MAP4K3: variants seen among roughly 807,000 people sequenced by gnomAD.
The protein encoded by MAP4K3 is mitogen-activated protein kinase kinase kinase kinase 3, also known as MAPK/ERK kinase kinase kinase 3.
MAP4K3 carries 94 observed loss-of-function variants against 143.5 expected under a neutral mutation model. The observed-to-expected ratio is 0.65, with a 90% CI of 0.55 to 0.78. MAP4K3 has a LOEUF of 0.78. Ranked by LOEUF, MAP4K3 falls within the 30% of genes least tolerant of loss-of-function variation. The probability of loss-of-function intolerance (pLI) is 0.00; values close to 1 mark genes in which losing one functional copy is unlikely to be tolerated. For missense variants in MAP4K3, 1,077 were observed against 1,068.1 expected, an observed-to-expected ratio of 1.01 and a Z score of -0.12; for synonymous variants, 416 against 347.2, an observed-to-expected ratio of 1.20 and a Z score of -2.20.
At chr2:39,403,195 C>G (rs148311778) in intron 1 of MAP4K3, among the ~76,000 whole-genome samples, 1 of 152,032 alleles carries the variant, frequency 6.6e-6, no homozygotes, top group Non-Finnish European at 1.5e-5. Flanking sequence ...GCAAGAGGGC[C>G]GAACAGGACT....
chr2:39,437,168 A>T lies in MAP4K3; in HGVS notation c.-181T>A, dbSNP rs930156854. ...CCCTCACGCCGCTGCGGACGACGACAAGCGGCCAATCGTCCCCGCCCCCCG... is the reference window on the plus strand; with the variant it reads ...CCCTCACGCCGCTGCGGACGACGACTAGCGGCCAATCGTCCCCGCCCCCCG... On this transcript the variant is annotated 5_prime_UTR_variant, in exon 1 of 34. Transcript: ENST00000263881. The T allele has an allele frequency of 7.7e-6, 3 of 391,380 alleles. No individual in the cohort carries two copies. The highest frequency in any genetic ancestry group is 4.3e-5 in the African/African-American group (2 of 46,758). The allele number at this position is 391,380 out of a possible 1,614,324, so 24.2% of individuals were successfully genotyped here.
intron 2 of MAP4K3, among the ~76,000 whole-genome samples, chr2:39,375,818 C>G (rs1666202420): frequency 6.6e-6 from 1 of 152,174 alleles, no homozygotes; most frequent in African/African-American, 2.4e-5. Context: ...TTTTCTGAAC[C>G]TTTCACATGG....
At chr2:39,332,918 C>G (rs6706951) in intron 7 of MAP4K3, among the ~76,000 whole-genome samples, 11,051 of 151,868 alleles carry the variant, frequency 0.073, 1,364 homozygotes, top group African/African-American at 0.25. Flanking sequence ...TAACTGTTTT[C>G]TATTTGTTAT....
intron 33 of MAP4K3, 152 bp from the exon 34 acceptor site, chr2:39,250,857 G>C (rs371729838): frequency 3.1e-6 from 2 of 647,566 alleles, no homozygotes; most frequent in East Asian, 2.8e-5. Flanking sequence ...TGTGATTACA[G>C]GGCCAGTTCT....
intron 21 of MAP4K3, among the ~76,000 whole-genome samples, chr2:39,286,081 C>A (rs1681762673): frequency 6.6e-6 from 1 of 152,188 alleles, no homozygotes; most frequent in Non-Finnish European, 1.5e-5. Flanking sequence ...GGTTCCCCAA[C>A]CTTTTCGGCA....
chr2:39,278,777 C>A (rs1297557848), intron 23 of MAP4K3, among the ~76,000 whole-genome samples: 2 of 152,154 alleles, frequency 1.3e-5, no homozygotes, highest in African/African-American at 4.8e-5. Flanking sequence ...GGATCTGCAG[C>A]TCCTTTTTCT....
At chr2:39,419,319 A>G (rs914827084) in intron 1 of MAP4K3, among the ~76,000 whole-genome samples, 1 of 152,156 alleles carries the variant, frequency 6.6e-6, no homozygotes, top group African/African-American at 2.4e-5. Context: ...GCCCACCAAA[A>G]TAAGTTAAAT....
intron 3 of MAP4K3, among the ~76,000 whole-genome samples, chr2:39,348,329 C>T (rs1337826608): frequency 6.6e-6 from 1 of 151,670 alleles, no homozygotes; most frequent in African/African-American, 2.4e-5. Flanking sequence ...AATGACTTTC[C>T]AGCTTATAGG....
Position 39,314,370 on chromosome 2 carries a change from T to C in MAP4K3, c.997+940A>G, listed in dbSNP as rs141848832. On this transcript the variant is annotated intron_variant, in intron 13 of 33. Coordinates refer to ENST00000263881, the MANE Select transcript of MAP4K3 (RefSeq NM_003618.4). The stretch of plus-strand genomic sequence containing the variant: ...TATATTAAAGAAATGATAAAGATAT[T>C]TCATAATTATTTTTTGTATATTAAA... Among the ~76,000 whole-genome samples the C allele has an allele frequency of 6.5e-3, 986 of 152,330 alleles. 11 individuals are homozygous for C. Among genetic ancestry groups the C allele is most frequent in the African/African-American group, 0.023 (944 of 41,552 alleles).
chr2:39,344,752 T>C (rs1665238445), intron 3 of MAP4K3, among the ~76,000 whole-genome samples: 1 of 152,124 alleles, frequency 6.6e-6, no homozygotes. Flanking sequence ...AACATTTAAA[T>C]TGGGTCTTGA....
intron 19 of MAP4K3, among the ~76,000 whole-genome samples, chr2:39,289,025 C>G (rs1297172953): frequency 6.6e-6 from 1 of 152,128 alleles, no homozygotes; most frequent in Non-Finnish European, 1.5e-5. Context: ...GCAGTCCAGC[C>G]TGGGCGAAAG....
intron 12 of MAP4K3, among the ~76,000 whole-genome samples, chr2:39,317,215 A>G (rs1361534459): frequency 6.6e-6 from 1 of 152,222 alleles, no homozygotes; most frequent in African/African-American, 2.4e-5. Flanking sequence ...CCATATACAG[A>G]AGATTGAAAC....
intron 1 of MAP4K3, among the ~76,000 whole-genome samples, chr2:39,401,430 G>A (rs1334447914): frequency 1.3e-5 from 2 of 152,170 alleles, no homozygotes; most frequent in East Asian, 1.9e-4. Context: ...ATACTCAGAA[G>A]AATACTGTCT....
chr2:39,263,004 A>G (rs1680627304), intron 28 of MAP4K3, among the ~76,000 whole-genome samples: 1 of 151,798 alleles, frequency 6.6e-6, no homozygotes, highest in Non-Finnish European at 1.5e-5. Flanking sequence ...GAGGCAGAGA[A>G]CTGCTTGATC....
intron 3 of MAP4K3, 111 bp downstream of exon 3, chr2:39,356,138 C>T (rs1665604401): frequency 3.0e-6 from 2 of 657,258 alleles, no homozygotes; most frequent in Admixed American, 5.7e-5. Context: ...ATCCTATCTT[C>T]AAAGCATGAA....
chr2:39,390,691 A>C (rs1201737301), intron 1 of MAP4K3, among the ~76,000 whole-genome samples: 1 of 152,144 alleles, frequency 6.6e-6, no homozygotes, highest in Non-Finnish European at 1.5e-5. Context: ...AGTGTCCCCA[A>C]ATCAGAAACT....
chr2:39,284,159 G>C (rs1164424962), intron 21 of MAP4K3, among the ~76,000 whole-genome samples: 1 of 151,784 alleles, frequency 6.6e-6, no homozygotes. Context: ...ATCTTTTTTT[G>C]TTGTTGTTTT....
chr2:39,354,682 A>G (rs1327813950), intron 3 of MAP4K3, among the ~76,000 whole-genome samples: 6 of 151,886 alleles, frequency 4.0e-5, no homozygotes, highest in African/African-American at 1.5e-4. Context: ...ACAAAAAAAA[A>G]ACAAAAAAAC....
intron 18 of MAP4K3, 85 bp from the exon 19 acceptor site, chr2:39,290,419 TAAA>T (rs1681992844): frequency 2.4e-6 from 2 of 830,798 alleles, no homozygotes; most frequent in Admixed American, 5.7e-5. Flanking sequence ...CAAAGACACA[TAAA>T]AAAGCTGCAA....
Sources: allele counts gnomAD v4.1 joint callset (sites outside exome capture counted in the v4.1 genomes callset), GRCh38; gene constraint gnomAD v4.1.1; transcripts MANE v1.5; gene names NCBI Gene and HGNC (gene_info 2026-07-23, HGNC 2026-07-21).